The following WWOX variants were observed in gnomAD, a reference collection of about 807,000 sequenced individuals.
WWOX encodes WW domain-containing oxidoreductase.
Under a neutral mutation model 46.2 loss-of-function variants are expected in WWOX, and 69 were observed. That is an observed-to-expected ratio of 1.49 (90% CI 1.23 to 1.82). The LOEUF (loss-of-function observed/expected upper bound fraction) is 1.82, where lower values mean the gene tolerates loss of function less well. Ranked by LOEUF, WWOX falls within the 40% of genes most tolerant of loss-of-function variation. The pLI, the probability that WWOX is intolerant of heterozygous loss-of-function variation, is 0.00. For synonymous variants in WWOX, 359 were observed against 202.6 expected (o/e 1.77, Z -6.56); for missense variants, 919 against 542.6 (o/e 1.69, Z -6.89).
intron 8 of WWOX, among the ~76,000 whole-genome samples, chr16:79,178,607 A>G (rs1454555727): frequency 6.6e-6 from 1 of 152,066 alleles, no homozygotes; most frequent in Non-Finnish European, 1.5e-5. Flanking sequence ...GAGAGCCACC[A>G]CACCCAGCCT....
At chr16:78,561,301 C>G (rs2044429124) in intron 8 of WWOX, among the ~76,000 whole-genome samples, 1 of 152,188 alleles carries the variant, frequency 6.6e-6, no homozygotes, top group Non-Finnish European at 1.5e-5. Context: ...GTCTGGATTT[C>G]AAGGGCTCAG....
chr16:78,135,745 C>T (rs1281719403), intron 4 of WWOX, among the ~76,000 whole-genome samples: 1 of 152,028 alleles, frequency 6.6e-6, no homozygotes, highest in Non-Finnish European at 1.5e-5. Context: ...AAAACTGACT[C>T]AAAAAGATAA....
chr16:78,710,492 A>ATATATATATATATATT (rs1264804916), intron 8 of WWOX, among the ~76,000 whole-genome samples: 1 of 134,906 alleles, frequency 7.4e-6, no homozygotes, highest in Non-Finnish European at 1.6e-5. Context: ...ATATATATAT[A>ATATATATATATATATT]TATATATTTA....
intron 8 of WWOX, among the ~76,000 whole-genome samples, chr16:78,541,410 C>T (rs1046708440): frequency 4.1e-5 from 5 of 121,536 alleles, no homozygotes; most frequent in African/African-American, 3.0e-5. Flanking sequence ...GGAGGCGGAG[C>T]TTGCAGTGAG....
At chr16:79,063,599 G>A (rs1280245967) in intron 8 of WWOX, among the ~76,000 whole-genome samples, 1 of 152,182 alleles carries the variant, frequency 6.6e-6, no homozygotes, top group African/African-American at 2.4e-5. Flanking sequence ...ACAAGGTTGG[G>A]TCTACTTTGG....
intron 8 of WWOX, among the ~76,000 whole-genome samples, chr16:78,668,904 C>G (rs772304937): frequency 6.6e-6 from 1 of 152,140 alleles, no homozygotes; most frequent in Admixed American, 6.5e-5. Flanking sequence ...CGGGCCTCCA[C>G]ATAGGGTATG....
chr16:79,095,953 G>T (rs188612131), intron 8 of WWOX, among the ~76,000 whole-genome samples: 1 of 139,896 alleles, frequency 7.1e-6, no homozygotes, highest in African/African-American at 2.7e-5. Flanking sequence ...AGGTTCAAGT[G>T]ATTTTCCCAC....
chr16:78,926,051 A>G (rs1181852212), intron 8 of WWOX, among the ~76,000 whole-genome samples: 2 of 152,202 alleles, frequency 1.3e-5, no homozygotes, highest in African/African-American at 4.8e-5. Context: ...CAGACAGGAC[A>G]GGTAAGGAGA....
At chr16:78,591,482 C>A (rs566235257) in intron 8 of WWOX, among the ~76,000 whole-genome samples, 1 of 152,320 alleles carries the variant, frequency 6.6e-6, no homozygotes, top group East Asian at 1.9e-4. Context: ...TCATGTATCT[C>A]TATTACATGG....
At chr16:78,483,198 C>G (rs1410746968) in intron 8 of WWOX, among the ~76,000 whole-genome samples, 2 of 151,982 alleles carry the variant, frequency 1.3e-5, no homozygotes, top group Non-Finnish European at 2.9e-5. Context: ...GATACTTTTA[C>G]CTTTTTGATT....
At chr16:79,064,321 G>C (rs1054254846) in intron 8 of WWOX, among the ~76,000 whole-genome samples, 2 of 152,220 alleles carry the variant, frequency 1.3e-5, no homozygotes, top group African/African-American at 4.8e-5. Flanking sequence ...TTAGGGCATA[G>C]CTTGTGGAAT....
At chr16:78,946,603 CAG>C (rs1357629802) in intron 8 of WWOX, among the ~76,000 whole-genome samples, 3 of 152,184 alleles carry the variant, frequency 2.0e-5, no homozygotes, top group Non-Finnish European at 2.9e-5. Flanking sequence ...CCCTGGAAGA[CAG>C]AGTTTCTTTC....
At chr16:78,540,992 CTAT>C (rs1567631703) in intron 8 of WWOX, among the ~76,000 whole-genome samples, 3 of 152,100 alleles carry the variant, frequency 2.0e-5, no homozygotes, top group Admixed American at 6.6e-5. Flanking sequence ...AGGTCCCCCA[CTAT>C]TAATAAGGTC....
chr16:78,110,761 T>C (rs1438351880), intron 3 of WWOX, among the ~76,000 whole-genome samples: 1 of 152,192 alleles, frequency 6.6e-6, no homozygotes, highest in Non-Finnish European at 1.5e-5. Context: ...GTAGTATTGT[T>C]ATTATCCCTA....
intron 8 of WWOX, among the ~76,000 whole-genome samples, chr16:79,011,107 A>G (rs1356423476): frequency 1.3e-5 from 2 of 149,944 alleles, no homozygotes; most frequent in African/African-American, 5.0e-5. Flanking sequence ...TATGATATGT[A>G]TGGTTACATA....
At chr16:78,161,640 A>G (rs975930963) in intron 4 of WWOX, among the ~76,000 whole-genome samples, 1 of 152,042 alleles carries the variant, frequency 6.6e-6, no homozygotes, top group Admixed American at 6.6e-5. Context: ...ATTTTTGTAG[A>G]GACAGAGTTT....
intron 8 of WWOX, among the ~76,000 whole-genome samples, chr16:78,940,627 C>G (rs1378456045): frequency 6.6e-6 from 1 of 151,850 alleles, no homozygotes; most frequent in Admixed American, 6.6e-5. Context: ...TAAAATATCC[C>G]TAAACAGGCA....
At chr16:78,693,905 C>T (rs548418121) in intron 8 of WWOX, among the ~76,000 whole-genome samples, 8 of 152,134 alleles carry the variant, frequency 5.3e-5, no homozygotes, top group Non-Finnish European at 1.0e-4. Flanking sequence ...TAAGCAGACT[C>T]GGCAACATTA....
At chr16:79,100,545 G>A (rs913102701) in intron 8 of WWOX, among the ~76,000 whole-genome samples, 3 of 152,178 alleles carry the variant, frequency 2.0e-5, no homozygotes, top group Non-Finnish European at 4.4e-5. Context: ...TCCAGGCTGT[G>A]CTTTGATGGC....
Sources: gnomAD v4.1 joint callset for allele counts (sites outside exome capture counted in the v4.1 genomes callset) on GRCh38, gnomAD v4.1.1 for gene constraint, MANE v1.5 for transcripts, NCBI Gene and HGNC (gene_info 2026-07-23, HGNC 2026-07-21) for gene names.